CCDC7: variants seen among roughly 807,000 people sequenced by gnomAD.
CCDC7 encodes the protein coiled-coil domain-containing protein 7.
CCDC7 carries 183 observed loss-of-function variants against 196.9 expected under a neutral mutation model. The observed-to-expected ratio is 0.93, with a 90% confidence interval of 0.82 to 1.05. CCDC7 has a LOEUF of 1.05. Ranked by LOEUF, CCDC7 falls within the 50% of genes least tolerant of loss-of-function variation. The probability of loss-of-function intolerance (pLI) is 0.00; values close to 1 mark genes in which losing one functional copy is unlikely to be tolerated. For synonymous variants in CCDC7, 525 were observed against 484.6 expected (o/e 1.08, Z -1.10); for missense variants, 1,540 against 1,482.2 (o/e 1.04, Z -0.64).
At chr10:32,712,874 C>A (rs948049887) in intron 25 of CCDC7, among the ~76,000 whole-genome samples, 8 of 152,176 alleles carry the variant, frequency 5.3e-5, no homozygotes, top group Admixed American at 3.3e-4. Context: ...AGGTCTTTCA[C>A]ATAGGCCAGA....
chr10:32,824,442 GT>G, intron 31 of CCDC7, 75 bp from the exon 33 acceptor site: 1 of 848,172 alleles, frequency 1.2e-6, no homozygotes, highest in Non-Finnish European at 1.9e-6. Flanking sequence ...AATTATGATA[GT>G]ATTAGACACA....
At chr10:32,842,855 C>T (rs114873943) in intron 33 of CCDC7, among the ~76,000 whole-genome samples, 2,301 of 151,970 alleles carry the variant, frequency 0.015, 47 homozygotes, top group African/African-American at 0.052. Context: ...GAAAACCAAA[C>T]GTTGTATGTT....
intron 21 of CCDC7, among the ~76,000 whole-genome samples, chr10:32,681,960 C>G (rs890085842): frequency 2.6e-5 from 4 of 152,070 alleles, no homozygotes; most frequent in African/African-American, 9.7e-5. Flanking sequence ...CTTTCTTCTA[C>G]TGTGCGAATC....
At chr10:32,513,676 G>C (rs1325936319) in intron 9 of CCDC7, 1 of 152,114 alleles carries the variant, frequency 6.6e-6, no homozygotes, top group Non-Finnish European at 1.5e-5. Context: ...TTTATTTTAG[G>C]AATGCAAGGT....
chr10:32,565,742 A>G, intron 14 of CCDC7, 122 bp downstream of exon 15: 1 of 999,284 alleles, frequency 1.0e-6, no homozygotes, highest in Non-Finnish European at 1.4e-6. Context: ...CTATTTGGCT[A>G]GGTTTAAACT....
At chr10:32,833,950 CTT>C (rs1388116596) in intron 32 of CCDC7, among the ~76,000 whole-genome samples, 1 of 152,126 alleles carries the variant, frequency 6.6e-6, no homozygotes, top group African/African-American at 2.4e-5. Flanking sequence ...ACCCACAAAA[CTT>C]GAGGCCCGGT....
intron 13 of CCDC7, 58 bp from the exon 15 acceptor site, chr10:32,565,500 A>T: frequency 6.4e-7 from 1 of 1,552,436 alleles, no homozygotes; most frequent in Non-Finnish European, 8.7e-7. Context: ...TACTGGTAAA[A>T]CTAAATTAAT....
chr10:32,762,152 C>T (rs1012935542), intron 28 of CCDC7, among the ~76,000 whole-genome samples: 10 of 151,936 alleles, frequency 6.6e-5, no homozygotes, highest in African/African-American at 2.4e-4. Context: ...GTTTGGACCA[C>T]ATATAGTGTT....
At chr10:32,659,555 C>T (rs944710382) in intron 20 of CCDC7, among the ~76,000 whole-genome samples, 2 of 152,040 alleles carry the variant, frequency 1.3e-5, no homozygotes, top group Non-Finnish European at 2.9e-5. Flanking sequence ...GTTTCATGGT[C>T]CATATGAAAG....
At chr10:32,827,803 T>C (rs918589388) in intron 32 of CCDC7, among the ~76,000 whole-genome samples, 3 of 152,076 alleles carry the variant, frequency 2.0e-5, no homozygotes, top group African/African-American at 7.2e-5. Context: ...TAAAAATAAA[T>C]AACTAAAAAC....
intron 25 of CCDC7, chr10:32,725,422 G>A: frequency 2.1e-6 from 1 of 468,292 alleles, no homozygotes; most frequent in Non-Finnish European, 4.4e-6. Context: ...ACATGGATTA[G>A]TACTTGTTTT....
Position 32,810,475 on chromosome 10 carries a change from T to G in CCDC7, c.3098-3895T>G, listed in dbSNP as rs182749638. On this transcript the variant is annotated intron_variant, in intron 30 of 41. Coordinates refer to ENST00000639629, the Ensembl canonical transcript of CCDC7. ...CAATTCAGAAAGAGGATATACCAAT[T>G]TTAAACTTATATTCACCCAACATTG... Among the ~76,000 whole-genome samples, 224 of 152,176 alleles carry G rather than the reference T, an allele frequency of 1.5e-3. 1 individual carries two copies. The highest frequency in any genetic ancestry group is 0.01 in the Middle Eastern group (3 of 294).
intron 18 of CCDC7, among the ~76,000 whole-genome samples, chr10:32,620,164 C>G (rs373184182): frequency 1.3e-5 from 2 of 152,002 alleles, no homozygotes; most frequent in Non-Finnish European, 2.9e-5. Flanking sequence ...CTCAAATGAT[C>G]CACCCGTCTT....
At chr10:32,443,485 A>G (rs183637229), upstream of CCDC7, among the ~76,000 whole-genome samples, 1 of 152,248 alleles carries the variant, frequency 6.6e-6, no homozygotes, top group African/African-American at 2.4e-5. Context: ...ATTTAAATTA[A>G]CTTTCAGGTA....
intron 21 of CCDC7, among the ~76,000 whole-genome samples, chr10:32,682,860 ATTAGT>A (rs1014035098): frequency 1.3e-5 from 2 of 152,024 alleles, no homozygotes; most frequent in East Asian, 1.9e-4. Context: ...TTGCTTGTTG[ATTAGT>A]TTAAATTCCT....
chr10:32,467,054 T>G (rs1325895095), intron 5 of CCDC7, among the ~76,000 whole-genome samples: 1 of 152,192 alleles, frequency 6.6e-6, no homozygotes, highest in African/African-American at 2.4e-5. Flanking sequence ...CATATGATTG[T>G]TGGCCCCGTG....
At chr10:32,845,567 A>G (rs749927730) in exon 35 of CCDC7, 4 of 1,612,454 alleles carry the variant, frequency 2.5e-6, no homozygotes, top group Non-Finnish European at 3.4e-6. Flanking sequence ...TTCTTTGCCT[A>G]TGCTACTGGA....
At chr10:32,621,531 A>G (rs2063411303) in intron 18 of CCDC7, among the ~76,000 whole-genome samples, 1 of 152,198 alleles carries the variant, frequency 6.6e-6, no homozygotes, top group African/African-American at 2.4e-5. Context: ...ATTGGCTCAC[A>G]TGATAATGGA....
chr10:32,668,424 G>A (rs1233647112), intron 21 of CCDC7, among the ~76,000 whole-genome samples: 3 of 152,114 alleles, frequency 2.0e-5, no homozygotes, highest in Non-Finnish European at 4.4e-5. Flanking sequence ...GGAGTGGTGA[G>A]AGAGGGCATC....
Sources: gnomAD v4.1 joint callset for allele counts (sites outside exome capture counted in the v4.1 genomes callset) on GRCh38, gnomAD v4.1.1 for gene constraint, MANE v1.5 for transcripts, NCBI Gene and HGNC (gene_info 2026-07-23, HGNC 2026-07-21) for gene names.